Variants in KHDRBS2 observed in about 807,000 individuals in gnomAD.
The protein encoded by KHDRBS2 is KH domain-containing, RNA-binding, signal transduction-associated protein 2.
KHDRBS2 carries 26 observed loss-of-function variants against 44.3 expected under a neutral mutation model. The observed-to-expected ratio is 0.59, with a 90% CI of 0.43 to 0.81. KHDRBS2 has a LOEUF of 0.81. Ranked by LOEUF, KHDRBS2 falls within the 40% of genes least tolerant of loss-of-function variation. The pLI is 0.00. For synonymous variants in KHDRBS2, 194 were observed against 151.1 expected (o/e 1.28, Z -2.08); for missense variants, 476 against 433.1 (o/e 1.10, Z -0.88).
intron 4 of KHDRBS2, among the ~76,000 whole-genome samples, chr6:61,901,661 T>C (rs556750250): frequency 1.3e-5 from 2 of 152,180 alleles, no homozygotes; most frequent in Non-Finnish European, 2.9e-5. Context: ...AAAAGGAAGA[T>C]AGCAACATAA....
rs770015897 is a variant in KHDRBS2 at position 62,285,828 on chromosome 6, T to G, written c.91+30A>C. 3 of 1,542,530 alleles carry G rather than the reference T, an allele frequency of 1.9e-6. No individual in the cohort carries two copies. In the East Asian group the frequency reaches 6.9e-5, roughly 35 times the overall value. ...CGCGGGTGAGATAGGCAGCCGGCGGTTTGTGCCCATCTGTGGGGGCAAGTC... is the reference window on the plus strand; with the variant it reads ...CGCGGGTGAGATAGGCAGCCGGCGGGTTGTGCCCATCTGTGGGGGCAAGTC... On this transcript the variant is annotated intron_variant, in intron 1 of 8. Transcript: ENST00000281156.
At chr6:62,007,402 GT>G (rs112517639) in intron 3 of KHDRBS2, among the ~76,000 whole-genome samples, 289 of 145,026 alleles carry the variant, frequency 2.0e-3, no homozygotes, top group Middle Eastern at 7.2e-3. Context: ...ACATTTTGAT[GT>G]TTTTTTTTTT....
chr6:61,577,744 T>A, the KHDRBS2 span, among the ~76,000 whole-genome samples: 1 of 152,184 alleles, frequency 6.6e-6, no homozygotes, highest in African/African-American at 2.4e-5. Context: ...ATAGTATTCT[T>A]ACAGTAAAAT....
chr6:61,564,821 T>C, the KHDRBS2 span, among the ~76,000 whole-genome samples: 24 of 152,050 alleles, frequency 1.6e-4, no homozygotes, highest in Admixed American at 1.6e-3. Flanking sequence ...AAAGGTCCCA[T>C]TCTTAATGGC....
chr6:61,816,897 T>C, intron 6 of KHDRBS2: 1 of 454,674 alleles, frequency 2.2e-6, no homozygotes, highest in Non-Finnish European at 4.4e-6. Flanking sequence ...TTACAATTTA[T>C]GCAGTAGCTA....
intron 6 of KHDRBS2, among the ~76,000 whole-genome samples, chr6:61,739,167 T>A (rs965324226): frequency 2.0e-5 from 3 of 151,892 alleles, no homozygotes; most frequent in African/African-American, 7.2e-5. Flanking sequence ...TTTTGCAAAA[T>A]CCACTATAAC....
the KHDRBS2 span, among the ~76,000 whole-genome samples, chr6:61,555,692 T>C: frequency 1.3e-5 from 2 of 152,232 alleles, no homozygotes; most frequent in African/African-American, 4.8e-5. Flanking sequence ...TTGTTTCGCT[T>C]GCTTGTATCT....
the KHDRBS2 span, among the ~76,000 whole-genome samples, chr6:61,664,641 A>C: frequency 2.6e-5 from 4 of 151,862 alleles, no homozygotes; most frequent in East Asian, 5.9e-4. Context: ...AGTTTAAGAG[A>C]TGTCAAGCCT....
intron 4 of KHDRBS2, among the ~76,000 whole-genome samples, chr6:61,961,445 A>C (rs975127186): frequency 8.6e-6 from 1 of 116,134 alleles, no homozygotes; most frequent in Non-Finnish European, 2.1e-5. Flanking sequence ...AGAAAGAAAG[A>C]GAAAAAAAGA....
intron 3 of KHDRBS2, among the ~76,000 whole-genome samples, chr6:61,987,710 T>C (rs1050709410): frequency 1.3e-4 from 20 of 152,160 alleles, no homozygotes; most frequent in African/African-American, 4.8e-4. Flanking sequence ...CAGAACAAAT[T>C]AGTTGCCCCA....
chr6:61,905,981 G>C (rs1804933628), intron 4 of KHDRBS2, among the ~76,000 whole-genome samples: 1 of 147,972 alleles, frequency 6.8e-6, no homozygotes, highest in Non-Finnish European at 1.5e-5. Flanking sequence ...TCAGCCTCTT[G>C]AGATTACCGG....
chr6:61,687,792 T>C (rs1455108072), intron 8 of KHDRBS2, among the ~76,000 whole-genome samples: 1 of 151,854 alleles, frequency 6.6e-6, no homozygotes, highest in East Asian at 1.9e-4. Flanking sequence ...CAAGGAAGCT[T>C]AAAAAATATT....
chr6:61,840,160 T>C (rs2127270908), intron 6 of KHDRBS2, among the ~76,000 whole-genome samples: 1 of 152,234 alleles, frequency 6.6e-6, no homozygotes, highest in East Asian at 1.9e-4. Context: ...TGAATAAAAA[T>C]GTACCAGGAT....
intron 3 of KHDRBS2, among the ~76,000 whole-genome samples, chr6:62,010,899 T>C (rs1160599911): frequency 6.6e-6 from 1 of 152,148 alleles, no homozygotes; most frequent in African/African-American, 2.4e-5. Flanking sequence ...GAAAAACCTA[T>C]CAGCAAATAA....
chr6:61,556,256 C>A, the KHDRBS2 span, among the ~76,000 whole-genome samples: 2 of 152,154 alleles, frequency 1.3e-5, no homozygotes, highest in Non-Finnish European at 2.9e-5. Flanking sequence ...GGCAGAGCTA[C>A]TGGTGGCCAT....
At chr6:61,602,435 C>G in the KHDRBS2 span, among the ~76,000 whole-genome samples, 28 of 152,248 alleles carry the variant, frequency 1.8e-4, no homozygotes, top group African/African-American at 6.0e-4. Flanking sequence ...TCCTCCTAAG[C>G]TGTGTCCCAT....
chr6:61,723,436 G>A (rs1773030285), intron 7 of KHDRBS2, among the ~76,000 whole-genome samples: 1 of 152,100 alleles, frequency 6.6e-6, no homozygotes, highest in South Asian at 2.1e-4. Flanking sequence ...AACAAACTTT[G>A]CTAAGCTAAA....
intron 6 of KHDRBS2, among the ~76,000 whole-genome samples, chr6:61,797,934 T>C (rs1194592003): frequency 1.3e-5 from 2 of 151,994 alleles, no homozygotes; most frequent in Non-Finnish European, 1.5e-5. Context: ...TTGCATGTCA[T>C]TGGGGTTTAG....
intron 2 of KHDRBS2, among the ~76,000 whole-genome samples, chr6:62,068,194 A>C (rs894655023): frequency 6.6e-6 from 1 of 151,476 alleles, no homozygotes; most frequent in African/African-American, 2.4e-5. Flanking sequence ...CTCGGTCAAC[A>C]CTTGTAATTG....
Sources: allele counts gnomAD v4.1 joint callset (sites outside exome capture counted in the v4.1 genomes callset), GRCh38; gene constraint gnomAD v4.1.1; transcripts MANE v1.5; gene names NCBI Gene and HGNC (gene_info 2026-07-23, HGNC 2026-07-21).